RNF150: variants seen among roughly 807,000 people sequenced by gnomAD.
The protein encoded by RNF150 is ring finger protein 150.
RNF150 carries 24 observed loss-of-function variants against 39.3 expected under a neutral mutation model. That is an observed-to-expected ratio of 0.61 (90% CI 0.44 to 0.86). RNF150 has a LOEUF of 0.86. Ranked by LOEUF, RNF150 falls within the 40% of genes least tolerant of loss-of-function variation. RNF150 has a pLI of 0.00. For missense variants in RNF150, 502 were observed against 587.8 expected, an observed-to-expected ratio of 0.85 and a Z score of 1.51; for synonymous variants, 255 against 227.3, an observed-to-expected ratio of 1.12 and a Z score of -1.10.
At chr4:141,174,340 G>A (rs1301610197) in intron 1 of RNF150, among the ~76,000 whole-genome samples, 1 of 152,058 alleles carries the variant, frequency 6.6e-6, no homozygotes, top group African/African-American at 2.4e-5. Flanking sequence ...ACAGTGCTGG[G>A]ACCAGGCACA....
In RNF150 at chr4:141,195,727, T is replaced by C. The variant is rs114176512; in HGVS notation, c.-6+17067A>G. On this transcript the variant is annotated intron_variant, in intron 1 of 7. Coordinates refer to the RNF150 transcript ENST00000420921. Reference sequence around the variant, plus strand: ...ACAAGGGGAGAAAGATTTTATGCAATGTTTAAAAAGGTTCTATTTTTATGT... The same window carrying C: ...ACAAGGGGAGAAAGATTTTATGCAACGTTTAAAAAGGTTCTATTTTTATGT... Among the ~76,000 whole-genome samples, 809 of 152,294 alleles carry C rather than the reference T, an allele frequency of 5.3e-3. 7 individuals carry two copies. The highest frequency in any genetic ancestry group is 0.019 in the African/African-American group (779 of 41,556).
At chr4:140,961,449 C>T (rs1479797061) in intron 2 of RNF150, among the ~76,000 whole-genome samples, 1 of 152,096 alleles carries the variant, frequency 6.6e-6, no homozygotes, top group Non-Finnish European at 1.5e-5. Context: ...AAATAAATGG[C>T]TTTGATGTTC....
chr4:141,089,308 T>C (rs1242130385), intron 1 of RNF150, among the ~76,000 whole-genome samples: 4 of 151,664 alleles, frequency 2.6e-5, no homozygotes, highest in Non-Finnish European at 5.9e-5. Context: ...TCTGAAAGAG[T>C]CAGAAACTAT....
chr4:140,871,803 G>C (rs1440220250), intron 6 of RNF150, among the ~76,000 whole-genome samples: 4 of 152,162 alleles, frequency 2.6e-5, no homozygotes, highest in African/African-American at 4.8e-5. Context: ...TTTCTAAATG[G>C]GAGTGTGTGA....
chr4:141,154,097 G>T (rs982339166), intron 1 of RNF150, among the ~76,000 whole-genome samples: 5 of 152,184 alleles, frequency 3.3e-5, no homozygotes, highest in African/African-American at 9.7e-5. Context: ...ACTTAGAATA[G>T]TTCCAGGTAC....
chr4:140,925,637 C>G (rs984905317), intron 5 of RNF150, among the ~76,000 whole-genome samples: 2 of 152,096 alleles, frequency 1.3e-5, no homozygotes, highest in Non-Finnish European at 2.9e-5. Flanking sequence ...GATGATGATG[C>G]AAGAGGTGCT....
intron 1 of RNF150, among the ~76,000 whole-genome samples, chr4:141,139,616 T>C (rs955924942): frequency 6.6e-6 from 1 of 152,232 alleles, no homozygotes; most frequent in East Asian, 1.9e-4. Flanking sequence ...TGTTGAATAA[T>C]AAATAGTAAT....
intron 6 of RNF150, among the ~76,000 whole-genome samples, chr4:140,902,811 A>G (rs1730235151): frequency 6.6e-6 from 1 of 152,222 alleles, no homozygotes; most frequent in African/African-American, 2.4e-5. Context: ...GACGGAGGCC[A>G]ACTGTGCTGC....
At chr4:141,206,419 CAAAAAAAA>C (rs58176149) in intron 1 of RNF150, among the ~76,000 whole-genome samples, 1 of 64,230 alleles carries the variant, frequency 1.6e-5, no homozygotes, top group Non-Finnish European at 3.1e-5. Context: ...GACTCAATCT[CAAAAAAAA>C]AAAAAAAAAA....
intron 1 of RNF150, among the ~76,000 whole-genome samples, chr4:141,129,208 G>A (rs574354576): frequency 1.7e-4 from 26 of 152,268 alleles, no homozygotes; most frequent in Non-Finnish European, 3.1e-4. Flanking sequence ...TAGAAACAAC[G>A]TAATTTTCCA....
chr4:141,186,800 A>C (rs1282495075), intron 1 of RNF150, among the ~76,000 whole-genome samples: 9 of 152,086 alleles, frequency 5.9e-5, no homozygotes, highest in African/African-American at 1.2e-4. Flanking sequence ...TTCAAAAAAA[A>C]CCAGCTCCTG....
intron 1 of RNF150, among the ~76,000 whole-genome samples, chr4:141,207,906 C>T (rs1253448129): frequency 6.6e-6 from 1 of 152,094 alleles, no homozygotes; most frequent in Non-Finnish European, 1.5e-5. Flanking sequence ...GAAACCATTG[C>T]AGGTATTTCA....
chr4:140,918,940 G>C (rs1430158623), intron 5 of RNF150, among the ~76,000 whole-genome samples: 1 of 152,150 alleles, frequency 6.6e-6, no homozygotes, highest in Non-Finnish European at 1.5e-5. Context: ...AAAACCACAT[G>C]ATTATCTCAA....
chr4:140,896,569 G>A (rs1729949663), intron 6 of RNF150, among the ~76,000 whole-genome samples: 2 of 95,194 alleles, frequency 2.1e-5, no homozygotes, highest in African/African-American at 8.2e-5. Flanking sequence ...GATAGCATTG[G>A]GAGATATACC....
chr4:141,017,605 T>C (rs1441659585), intron 1 of RNF150, among the ~76,000 whole-genome samples: 1 of 152,226 alleles, frequency 6.6e-6, no homozygotes, highest in Non-Finnish European at 1.5e-5. Flanking sequence ...CCATTTATCA[T>C]ATGGAAGAGT....
At position 140,860,940 on chromosome 4, in the gene RNF150, A is replaced by C. The variant is rs1378450041; in HGVS notation, c.*7321T>G. On this transcript the variant is annotated 3_prime_UTR_variant, in exon 7 of 7. Transcript: ENST00000515673. ...CAGCTCATGAACATTTTAAAGAACAATACCCATTTTTTTTTCCAGAAAATG... is the reference window on the plus strand; with the variant it reads ...CAGCTCATGAACATTTTAAAGAACACTACCCATTTTTTTTTCCAGAAAATG... 6.6e-6 allele frequency: 1 copy of C among 152,086 alleles called. No individual in the cohort carries two copies. Among genetic ancestry groups the C allele is most frequent in the Non-Finnish European group, 1.5e-5 (1 of 68,032 alleles). 9.4% of individuals were successfully genotyped at this position (152,086 alleles called of 1,614,324 possible).
At chr4:141,154,128 CT>C (rs1727344864) in intron 1 of RNF150, among the ~76,000 whole-genome samples, 2 of 152,316 alleles carry the variant, frequency 1.3e-5, no homozygotes, top group African/African-American at 4.8e-5. Context: ...CTCAGTAAGA[CT>C]TTGCTATTAG....
chr4:141,147,025 G>A (rs769681528), intron 1 of RNF150, among the ~76,000 whole-genome samples: 6 of 152,248 alleles, frequency 3.9e-5, no homozygotes, highest in Non-Finnish European at 7.4e-5. Flanking sequence ...GCAGTGATGC[G>A]ATTATGGCCA....
At chr4:140,954,006 T>A (rs187102721) in intron 2 of RNF150, among the ~76,000 whole-genome samples, 3 of 152,238 alleles carry the variant, frequency 2.0e-5, no homozygotes, top group Non-Finnish European at 4.4e-5. Context: ...GAACCGGAAG[T>A]CTATTACAAA....
Sources: allele counts gnomAD v4.1 joint callset (sites outside exome capture counted in the v4.1 genomes callset), GRCh38; gene constraint gnomAD v4.1.1; transcripts MANE v1.5; gene names NCBI Gene and HGNC (gene_info 2026-07-23, HGNC 2026-07-21).